TXNDC8: variants seen among roughly 807,000 people sequenced by gnomAD.
TXNDC8 encodes the protein thioredoxin domain-containing protein 8.
TXNDC8 carries 15 observed loss-of-function variants against 12.9 expected under a neutral mutation model. That is an observed-to-expected ratio of 1.16 (90% CI 0.78 to 1.79). TXNDC8 has a LOEUF of 1.79. TXNDC8 is among the 40% of genes most tolerant of loss of function. The pLI, the probability that TXNDC8 is intolerant of heterozygous loss-of-function variation, is 0.00. For synonymous variants in TXNDC8, 40 were observed against 35.4 expected, an observed-to-expected ratio of 1.13 and a Z score of -0.46; for missense variants, 128 against 113.2, an observed-to-expected ratio of 1.13 and a Z score of -0.59.
chr9:110,313,968 G>C (rs1838784862), intron 3 of TXNDC8, among the ~76,000 whole-genome samples: 1 of 152,066 alleles, frequency 6.6e-6, no homozygotes, highest in Non-Finnish European at 1.5e-5. Context: ...TTCTCCAAAA[G>C]ATTTTTAAAT....
At chr9:110,327,532 AG>A (rs1198030146) in intron 2 of TXNDC8, among the ~76,000 whole-genome samples, 1 of 152,108 alleles carries the variant, frequency 6.6e-6, no homozygotes, top group African/African-American at 2.4e-5. Flanking sequence ...CACGTTGGCC[AG>A]GCTGGTCTTG....
chr9:110,318,717 G>A (rs10980322), intron 3 of TXNDC8, among the ~76,000 whole-genome samples: 3,045 of 151,494 alleles, frequency 0.02, 45 homozygotes, highest in Middle Eastern at 0.031. Context: ...CAGCCTGGGC[G>A]ACAGAGCAAG....
intron 2 of TXNDC8, among the ~76,000 whole-genome samples, chr9:110,326,520 G>A (rs1185867080): frequency 6.6e-6 from 1 of 152,208 alleles, no homozygotes; most frequent in African/African-American, 2.4e-5. Flanking sequence ...CAGAATAGAT[G>A]CTCAATAACA....
intron 3 of TXNDC8, among the ~76,000 whole-genome samples, chr9:110,324,443 A>G (rs1391516874): frequency 6.6e-6 from 1 of 152,232 alleles, no homozygotes; most frequent in Non-Finnish European, 1.5e-5. Context: ...TGCAGCTAGC[A>G]TATCCAATGT....
chr9:110,303,390 T>C (rs1350513836), downstream of TXNDC8: 2 of 1,023,988 alleles, frequency 2.0e-6, no homozygotes, highest in East Asian at 7.4e-5. Flanking sequence ...GATTGCATTA[T>C]GGTATTCAAC....
At chr9:110,323,105 A>T in intron 3 of TXNDC8, 1 of 985,426 alleles carries the variant, frequency 1.0e-6, no homozygotes, top group Non-Finnish European at 1.2e-6. Context: ...AGGATGCCAT[A>T]CAGGGAGCTG....
intron 3 of TXNDC8, among the ~76,000 whole-genome samples, chr9:110,319,844 C>G (rs886246836): frequency 6.6e-6 from 1 of 152,140 alleles, no homozygotes; most frequent in Non-Finnish European, 1.5e-5. Flanking sequence ...ATTTTAATTC[C>G]TGTACCTACT....
At chr9:110,305,920 G>A (rs112757102) in intron 3 of TXNDC8, among the ~76,000 whole-genome samples, 5,516 of 147,624 alleles carry the variant, frequency 0.037, 324 homozygotes, top group African/African-American at 0.13. Flanking sequence ...TTGGAGTGCC[G>A]CAATCTCAGC....
At chr9:110,310,914 T>C (rs1838640857) in intron 3 of TXNDC8, among the ~76,000 whole-genome samples, 1 of 152,380 alleles carries the variant, frequency 6.6e-6, no homozygotes, top group Admixed American at 6.5e-5. Context: ...GACATTGATA[T>C]TGGTTTAATG....
At chr9:110,329,104 T>A in intron 2 of TXNDC8, 128 bp downstream of exon 3, 1 of 773,148 alleles carries the variant, frequency 1.3e-6, no homozygotes, top group Non-Finnish European at 2.1e-6. Context: ...TTACTGTAGT[T>A]ATTAGAAAAA....
At chr9:110,334,569 A>T (rs1839675702) in intron 1 of TXNDC8, among the ~76,000 whole-genome samples, 1 of 152,182 alleles carries the variant, frequency 6.6e-6, no homozygotes, top group South Asian at 2.1e-4. Flanking sequence ...AACCTTAACC[A>T]GGTGTACCAT....
chr9:110,305,546 T>TTC (rs767108351), intron 3 of TXNDC8, among the ~76,000 whole-genome samples: 1,680 of 115,490 alleles, frequency 0.015, 36 homozygotes, highest in Middle Eastern at 0.026. Flanking sequence ...TGTATTTTCT[T>TTC]TTTCTTTCTT....
At position 110,304,523 on chromosome 9, in the gene TXNDC8, A is replaced by T. The variant is rs1366400703; in HGVS notation, c.205T>A (p.Phe69Ile). The T allele has an allele frequency of 3.7e-6, 6 of 1,608,972 alleles. No individual in the cohort carries two copies. Among genetic ancestry groups the T allele is most frequent in the Non-Finnish European group, 5.1e-6 (6 of 1,176,810 alleles). ...CAAATTATTCTTTTGATTCTTGAGA[A>T]TAGGGTTACCTAAGTGTGGGTGCAG... Residue 69 changes from phenylalanine to isoleucine, a missense_variant, in exon 4 of 5, where the codon TTC becomes ATC. Phe to Ile is a conservative substitution (Grantham distance 21). Transcript: ENST00000423740.
intron 3 of TXNDC8, among the ~76,000 whole-genome samples, chr9:110,317,153 C>T (rs1838913242): frequency 6.6e-6 from 1 of 152,186 alleles, no homozygotes; most frequent in South Asian, 2.1e-4. Context: ...ACACCTTGAA[C>T]AGGAAAACTG....
intron 1 of TXNDC8, among the ~76,000 whole-genome samples, chr9:110,334,890 T>C (rs1466297258): frequency 7.7e-6 from 1 of 130,032 alleles, no homozygotes; most frequent in Non-Finnish European, 1.6e-5. Flanking sequence ...TCTTGTTTTT[T>C]GGGGGGGAAG....
Position 110,320,236 on chromosome 9 carries a change from G to A in TXNDC8, c.195+5939C>T, listed in dbSNP as rs144654366. Among the ~76,000 whole-genome samples, 1,110 of 152,224 alleles carry A rather than the reference G, an allele frequency of 7.3e-3. 3 individuals are homozygous for A. Among genetic ancestry groups the A allele is most frequent in the Non-Finnish European group, 0.01 (696 of 68,028 alleles). ...AAATCTCATCTTGAGTTGTAGCTCC[G>A]ATAATTCCCATGTGTCATGGGAGGG... On this transcript the variant is annotated intron_variant, in intron 3 of 4. Transcript: ENST00000423740.
intron 3 of TXNDC8, among the ~76,000 whole-genome samples, chr9:110,309,648 TA>T (rs1385402823): frequency 2.0e-5 from 3 of 152,202 alleles, no homozygotes; most frequent in Non-Finnish European, 4.4e-5. Flanking sequence ...AAAAGTAATT[TA>T]AAAAAAGGCT....
At chr9:110,305,614 T>C (rs12346249) in intron 3 of TXNDC8, among the ~76,000 whole-genome samples, 2 of 139,812 alleles carry the variant, frequency 1.4e-5, no homozygotes, top group Non-Finnish European at 3.2e-5. Context: ...TTCTTTCTTT[T>C]TCTTCCTTCC....
In TXNDC8 at chr9:110,326,715, C is replaced by A. The variant is rs1382047290; in HGVS notation, c.130-475G>T. Among the ~76,000 whole-genome samples the A allele has an allele frequency of 2.0e-5, 3 of 152,206 alleles. No homozygotes were observed. The South Asian group carries it at 6.3e-4, about 32-fold the overall frequency. ...CTTATACATGTCTTTCTTTTAAGTCCTTCACTGCCAATCTTTGTGAAAGAT... is the reference window on the plus strand; with the variant it reads ...CTTATACATGTCTTTCTTTTAAGTCATTCACTGCCAATCTTTGTGAAAGAT... On this transcript the variant is annotated intron_variant, in intron 2 of 4. Coordinates refer to ENST00000423740, the MANE Select transcript of TXNDC8 (RefSeq NM_001286946.2).
Sources: gnomAD v4.1 joint callset for allele counts (sites outside exome capture counted in the v4.1 genomes callset) on GRCh38, gnomAD v4.1.1 for gene constraint, MANE v1.5 for transcripts, NCBI Gene and HGNC (gene_info 2026-07-23, HGNC 2026-07-21) for gene names.